Variants in CECR2 observed in about 807,000 individuals in gnomAD.
The protein encoded by CECR2 is CECR2 histone acetyl-lysine reader, also known as chromatin remodeling regulator CECR2.
In CECR2, 30 loss-of-function variants were observed where a neutral mutation model predicts 154.5. The ratio of observed to expected loss-of-function variants is 0.19; its 90% CI spans 0.15 to 0.26. CECR2 has a LOEUF of 0.26. CECR2 is among the 10% of genes least tolerant of loss of function. CECR2 has a pLI of 1.00. For synonymous variants in CECR2, 725 were observed against 683.7 expected (o/e 1.06, Z -0.94); for missense variants, 1,743 against 1,829.3 (o/e 0.95, Z 0.86).
At chr22:17,523,096 T>A (rs1304738108) in intron 8 of CECR2, among the ~76,000 whole-genome samples, 1 of 151,988 alleles carries the variant, frequency 6.6e-6, no homozygotes. Flanking sequence ...TGTTTTGTTT[T>A]GTGTTTTTGA....
At chr22:17,440,723 GATTT>G (rs936644208) in intron 1 of CECR2, among the ~76,000 whole-genome samples, 2 of 152,112 alleles carry the variant, frequency 1.3e-5, no homozygotes, top group African/African-American at 2.4e-5. Context: ...TCTCCGAACA[GATTT>G]ATTAGAAACA....
chr22:17,498,612 A>G (rs990991869), intron 3 of CECR2, among the ~76,000 whole-genome samples: 1 of 152,174 alleles, frequency 6.6e-6, no homozygotes, highest in Non-Finnish European at 1.5e-5. Context: ...AGGCCAGTAC[A>G]GGTCAGCCCC....
intron 1 of CECR2, among the ~76,000 whole-genome samples, chr22:17,408,889 G>A (rs1372154690): frequency 6.6e-6 from 1 of 152,076 alleles, no homozygotes; most frequent in African/African-American, 2.4e-5. Flanking sequence ...TTGCTTAGTG[G>A]GGCCCACGAA....
intron 1 of CECR2, among the ~76,000 whole-genome samples, chr22:17,464,622 C>T (rs1353893813): frequency 1.3e-5 from 2 of 152,106 alleles, no homozygotes. Flanking sequence ...TCTGCAGCCT[C>T]CTGAATAGCT....
At chr22:17,447,275 C>A (rs2054687262) in intron 1 of CECR2, among the ~76,000 whole-genome samples, 2 of 152,004 alleles carry the variant, frequency 1.3e-5, no homozygotes, top group South Asian at 4.2e-4. Context: ...GCCTCAGCCT[C>A]CCGAGTAGCT....
intron 8 of CECR2, among the ~76,000 whole-genome samples, chr22:17,522,366 AG>A (rs2056173334): frequency 6.6e-6 from 1 of 152,178 alleles, no homozygotes; most frequent in Admixed American, 6.6e-5. Flanking sequence ...GGTGGAAGTG[AG>A]AGCAGGGATT....
At chr22:17,401,639 G>T (rs1047665594) in intron 1 of CECR2, among the ~76,000 whole-genome samples, 6 of 152,090 alleles carry the variant, frequency 3.9e-5, no homozygotes, top group Admixed American at 6.6e-5. Context: ...TGTAGCATGC[G>T]TCAGTAGTTG....
intron 9 of CECR2, among the ~76,000 whole-genome samples, chr22:17,532,735 T>TG: frequency 1.9e-5 from 2 of 107,614 alleles, no homozygotes; most frequent in Non-Finnish European, 3.7e-5. Flanking sequence ...TTTTTTTTTT[T>TG]GAGATGGAGT....
At chr22:17,413,234 AG>A (rs1395085179) in intron 1 of CECR2, among the ~76,000 whole-genome samples, 1 of 152,230 alleles carries the variant, frequency 6.6e-6, no homozygotes, top group Non-Finnish European at 1.5e-5. Context: ...CAAAGAGAGC[AG>A]GTTGATGGTT....
At chr22:17,488,930 A>G (rs7288024) in intron 2 of CECR2, among the ~76,000 whole-genome samples, 30,029 of 152,114 alleles carry the variant, frequency 0.2, 3,127 homozygotes, top group African/African-American at 0.25. Context: ...CAGTTGCTTC[A>G]TATCTTTTTA....
At chr22:17,530,939 C>T (rs174331) in intron 9 of CECR2, among the ~76,000 whole-genome samples, 55 of 152,118 alleles carry the variant, frequency 3.6e-4, no homozygotes, top group Non-Finnish European at 4.9e-4. Flanking sequence ...CAGTGTTTAA[C>T]GTTACAGACT....
chr22:17,492,661 G>T (rs2055552853), intron 2 of CECR2, among the ~76,000 whole-genome samples: 1 of 152,132 alleles, frequency 6.6e-6, no homozygotes, highest in Non-Finnish European at 1.5e-5. Context: ...TGCGAAAATG[G>T]GTCATTTAAG....
chr22:17,396,823 G>C (rs2053819228), intron 1 of CECR2, among the ~76,000 whole-genome samples: 1 of 152,186 alleles, frequency 6.6e-6, no homozygotes, highest in South Asian at 2.1e-4. Context: ...GAACCAGAAG[G>C]ACAAGTTATG....
upstream of CECR2, among the ~76,000 whole-genome samples, chr22:17,369,160 G>A (rs1455279707): frequency 1.3e-5 from 2 of 151,922 alleles, no homozygotes; most frequent in African/African-American, 4.8e-5. Context: ...GGCCAAGTGG[G>A]GGTGGGAGAG....
intron 1 of CECR2, among the ~76,000 whole-genome samples, chr22:17,461,951 C>T (rs1321591321): frequency 1.3e-5 from 2 of 151,926 alleles, no homozygotes; most frequent in African/African-American, 4.8e-5. Flanking sequence ...CACCACCAAA[C>T]CCGGCTAATT....
intron 2 of CECR2, among the ~76,000 whole-genome samples, chr22:17,493,252 G>A (rs977858337): frequency 2.0e-5 from 3 of 152,162 alleles, no homozygotes; most frequent in Non-Finnish European, 2.9e-5. Context: ...GATTACCGGC[G>A]TGAGCTACTG....
At chr22:17,430,952 A>G (rs528875153) in intron 1 of CECR2, among the ~76,000 whole-genome samples, 5 of 152,234 alleles carry the variant, frequency 3.3e-5, no homozygotes, top group East Asian at 1.9e-4. Context: ...TTTGATCACA[A>G]CAGTGCCTCG....
intron 2 of CECR2, among the ~76,000 whole-genome samples, chr22:17,480,447 CACACACACACACAG>C (rs1269116001): frequency 1.4e-5 from 2 of 147,744 alleles, no homozygotes; most frequent in African/African-American, 4.9e-5. Flanking sequence ...CACACACACA[CACACACACACACAG>C]AGAAAAGTGC....
At chr22:17,540,266 C>T in intron 13 of CECR2, 146 bp from the exon 14 acceptor site, 1 of 694,402 alleles carries the variant, frequency 1.4e-6, no homozygotes. Context: ...GAATTAAACT[C>T]ATAGATTACC....
Sources: allele counts gnomAD v4.1 joint callset (sites outside exome capture counted in the v4.1 genomes callset), GRCh38; gene constraint gnomAD v4.1.1; transcripts MANE v1.5; gene names NCBI Gene and HGNC (gene_info 2026-07-23, HGNC 2026-07-21).